SEL1L3: variants seen among roughly 807,000 people sequenced by gnomAD.
SEL1L3 encodes the protein SEL1L family member 3, also known as protein sel-1 homolog 3.
In SEL1L3, 76 loss-of-function variants were observed where a neutral mutation model predicts 142.8. That is an observed-to-expected ratio of 0.53 (90% CI 0.44 to 0.64). SEL1L3 has a LOEUF of 0.64. SEL1L3 is among the 30% of genes least tolerant of loss of function. SEL1L3 has a pLI of 0.00. For missense variants in SEL1L3, 1,262 were observed against 1,381.7 expected (o/e 0.91, Z 1.37); for synonymous variants, 504 against 519.6 (o/e 0.97, Z 0.41).
chr4:25,830,423 G>A (rs927377487), intron 5 of SEL1L3, among the ~76,000 whole-genome samples: 5 of 152,146 alleles, frequency 3.3e-5, no homozygotes, highest in Non-Finnish European at 7.3e-5. Context: ...CAAGCCAAAG[G>A]CTCATTTGAT....
the SEL1L3 span, among the ~76,000 whole-genome samples, chr4:25,728,756 G>A: frequency 9.7e-3 from 1,469 of 151,444 alleles, 30 homozygotes; most frequent in African/African-American, 0.033. Context: ...GCAAAACCCC[G>A]TGTCTACTTG....
At chr4:25,828,352 CA>C (rs1715223390) in intron 6 of SEL1L3, among the ~76,000 whole-genome samples, 1 of 150,324 alleles carries the variant, frequency 6.7e-6, no homozygotes, top group Non-Finnish European at 1.5e-5. Flanking sequence ...AGCTCTGGAG[CA>C]AAGCCCAAGA....
At chr4:25,714,023 T>G in the SEL1L3 span, among the ~76,000 whole-genome samples, 2 of 152,144 alleles carry the variant, frequency 1.3e-5, no homozygotes, top group Non-Finnish European at 2.9e-5. Context: ...ATGATGCAAT[T>G]TAAATGATTT....
the SEL1L3 span, among the ~76,000 whole-genome samples, chr4:25,716,472 C>T: frequency 6.6e-6 from 1 of 151,986 alleles, no homozygotes; most frequent in African/African-American, 2.4e-5. Flanking sequence ...ATATGCATGC[C>T]CTTTGACACA....
downstream of SEL1L3, among the ~76,000 whole-genome samples, chr4:25,743,837 T>C (rs1717184800): frequency 6.6e-6 from 1 of 152,212 alleles, no homozygotes; most frequent in Admixed American, 6.5e-5. Context: ...TCACACCTCC[T>C]ACTTCCTTTT....
chr4:25,768,841 A>G (rs1046064050), intron 17 of SEL1L3, among the ~76,000 whole-genome samples: 65 of 152,212 alleles, frequency 4.3e-4, no homozygotes, highest in African/African-American at 1.5e-3. Context: ...AAAACAATGC[A>G]TCTTATTTTT....
intron 16 of SEL1L3, among the ~76,000 whole-genome samples, chr4:25,776,978 T>C (rs1000265487): frequency 6.6e-6 from 1 of 151,724 alleles, no homozygotes; most frequent in Non-Finnish European, 1.5e-5. Context: ...CATAATTACA[T>C]TAAATGTAAA....
At chr4:25,731,010 A>G in the SEL1L3 span, among the ~76,000 whole-genome samples, 11 of 152,200 alleles carry the variant, frequency 7.2e-5, no homozygotes, top group African/African-American at 2.4e-4. Context: ...CAGCCTGAGC[A>G]ACAGAGCGAG....
At chr4:25,809,668 C>G (rs1713883783) in intron 9 of SEL1L3, among the ~76,000 whole-genome samples, 1 of 152,138 alleles carries the variant, frequency 6.6e-6, no homozygotes, top group Admixed American at 6.5e-5. Context: ...CTCTCTCTCT[C>G]CTTTCGGAGC....
chr4:25,826,619 G>T (rs1314253124), intron 6 of SEL1L3, among the ~76,000 whole-genome samples: 2 of 152,126 alleles, frequency 1.3e-5, no homozygotes, highest in African/African-American at 4.8e-5. Flanking sequence ...GGCAGCTGGG[G>T]TGGTGGGGAG....
chr4:25,814,288 A>C (rs943243589), intron 9 of SEL1L3, among the ~76,000 whole-genome samples: 16 of 152,164 alleles, frequency 1.1e-4, no homozygotes, highest in African/African-American at 3.6e-4. Flanking sequence ...CCCCATTTTG[A>C]TTCTATCCTG....
intron 1 of SEL1L3, among the ~76,000 whole-genome samples, chr4:25,854,465 AC>A (rs1037444467): frequency 2.0e-4 from 31 of 152,110 alleles, no homozygotes; most frequent in African/African-American, 7.5e-4. Context: ...TTTAGTAGAG[AC>A]CGAGTTTCAC....
At chr4:25,767,274 G>A (rs1718810385) in intron 19 of SEL1L3, among the ~76,000 whole-genome samples, 1 of 152,158 alleles carries the variant, frequency 6.6e-6, no homozygotes, top group Admixed American at 6.5e-5. Context: ...AACAGAGTGA[G>A]ACTGTCTCCA....
chr4:25,836,491 A>G (rs373253179), intron 2 of SEL1L3, among the ~76,000 whole-genome samples: 1 of 151,934 alleles, frequency 6.6e-6, no homozygotes, highest in African/African-American at 2.4e-5. Context: ...TACTAAAAAT[A>G]CAAAAAAAAA....
In SEL1L3 at chr4:25,790,483, T is replaced by C; in HGVS notation, c.2048A>G (p.Glu683Gly). The stretch of plus-strand genomic sequence containing the variant: ...AGCTGCTGCATTGCCTCGGGTAGCT[T>C]CATGCTTCAACCACATAAAGACATC... ...DGDVFMWLKHEATRGNAAAQQ... is the reference protein window; with the variant it reads ...DGDVFMWLKHGATRGNAAAQQ... Residue 683 changes from glutamate (E) to glycine (G), a missense_variant, in exon 12 of 24, where the codon GAA becomes GGA. Glu to Gly is a moderately conservative substitution (Grantham distance 98). Transcript: ENST00000399878. 3 of 1,613,854 alleles carry C rather than the reference T, an allele frequency of 1.9e-6. No homozygotes were observed. Among genetic ancestry groups the C allele is most frequent in the Non-Finnish European group, 2.5e-6 (3 of 1,179,850 alleles).
At position 25,833,205 on chromosome 4, in the gene SEL1L3, C is replaced by T. The variant is rs995360105; in HGVS notation, c.983-95G>A. On this transcript the variant is annotated intron_variant, in intron 4 of 23. Transcript: ENST00000399878. ...TTTCAACAATTGTCCTAAGAAGCTA[C>T]AATACTCCACGAAAACAAAGCAAAA... 7 of 784,596 alleles carry T rather than the reference C, an allele frequency of 8.9e-6. No individual in the cohort carries two copies. In the African/African-American group the frequency reaches 1.0e-4, roughly 12 times the overall value. 48.6% of individuals were successfully genotyped at this position (784,596 alleles called of 1,614,324 possible). A position where few individuals can be genotyped will look rare whatever the true frequency, so the allele number is the denominator to read the frequency against.
At position 25,804,646 on chromosome 4, in the gene SEL1L3, G is replaced by T. The variant is rs761382330; in HGVS notation, c.1671C>A (p.Ile557=). ...AGCTGGAATCCGTCAGAAAGGGGAC[G>T]ATAGAGCTAATTTGGTGAAGACCAT... ...SIDGLHQISS[I]VPFLTDSSCC... is the part of the protein sequence containing the mutation. The change falls in exon 10 of 24, where the codon ATC becomes ATA. Residue 557 remains isoleucine (I), a synonymous_variant. Coordinates refer to ENST00000399878, the MANE Select transcript of SEL1L3 (RefSeq NM_015187.5). The T allele has an allele frequency of 6.2e-7, 1 of 1,613,520 alleles. No individual in the cohort carries two copies. The highest frequency in any genetic ancestry group is 2.2e-5 in the East Asian group (1 of 44,886).
chr4:25,779,172 G>T lies in SEL1L3; in HGVS notation c.2489C>A (p.Ala830Glu), dbSNP rs368115723. ...GGTCCCTTCCATGTGTCCACCTTGCGCAGCCTTATGGAAATATTCACCAGC... is the reference window on the plus strand; with the variant it reads ...GGTCCCTTCCATGTGTCCACCTTGCTCAGCCTTATGGAAATATTCACCAGC... Reference protein sequence around the residue: ...TLAGEYFHKAAQGGHMEGTLW... With the variant: ...TLAGEYFHKAEQGGHMEGTLW... Residue 830 changes from alanine to glutamate, a missense_variant, in exon 16 of 24, where the codon GCG (alanine) becomes GAG (glutamate). By Grantham distance (107) the Ala-to-Glu change is moderately radical. Transcript: ENST00000399878. 4.3e-6 allele frequency: 7 copies of T among 1,613,368 alleles called. No homozygotes were observed. Among genetic ancestry groups the T allele is most frequent in the East Asian group, 2.2e-5 (1 of 44,886 alleles).
intron 17 of SEL1L3, chr4:25,770,376 G>A (rs575268684): frequency 2.0e-5 from 3 of 152,240 alleles, no homozygotes; most frequent in Admixed American, 6.5e-5. Flanking sequence ...TTTCCATTGA[G>A]GAAACACTGA....
Sources: gnomAD v4.1 joint callset for allele counts (sites outside exome capture counted in the v4.1 genomes callset) on GRCh38, gnomAD v4.1.1 for gene constraint, MANE v1.5 for transcripts, NCBI Gene and HGNC (gene_info 2026-07-23, HGNC 2026-07-21) for gene names.